ERGIC1: variants seen among roughly 807,000 people sequenced by gnomAD.
ERGIC1 encodes endoplasmic reticulum-golgi intermediate compartment 1.
Under a neutral mutation model 38.3 loss-of-function variants are expected in ERGIC1, and 19 were observed. The ratio of observed to expected loss-of-function variants is 0.50; its 90% CI spans 0.35 to 0.73. The LOEUF is 0.73. Among genes scored for constraint, ERGIC1 ranks in the 30% least tolerant of loss-of-function variants. The probability of loss-of-function intolerance (pLI) is 0.01; values close to 1 mark genes in which losing one functional copy is unlikely to be tolerated. For missense variants in ERGIC1, 294 were observed against 389.2 expected (o/e 0.76, Z 2.06); for synonymous variants, 124 against 157.6 (o/e 0.79, Z 1.60).
chr5:172,841,542 A>G (rs1001988962), intron 1 of ERGIC1, among the ~76,000 whole-genome samples: 4 of 152,174 alleles, frequency 2.6e-5, no homozygotes, highest in African/African-American at 9.7e-5. Context: ...AAAGGTGGAA[A>G]CCCTATTCGA....
At chr5:172,937,038 A>G (rs1336357296) in intron 9 of ERGIC1, 2 of 152,088 alleles carry the variant, frequency 1.3e-5, no homozygotes, top group Non-Finnish European at 2.9e-5. Flanking sequence ...AGAGAGATAC[A>G]AAGGGTGTCA....
chr5:172,904,061 T>G (rs1286128277), intron 3 of ERGIC1, among the ~76,000 whole-genome samples: 3 of 152,190 alleles, frequency 2.0e-5, no homozygotes, highest in Admixed American at 1.3e-4. Flanking sequence ...GACCTGGCAG[T>G]CATCCAGCAG....
At chr5:172,859,210 A>C (rs1257034791) in intron 1 of ERGIC1, among the ~76,000 whole-genome samples, 2 of 151,852 alleles carry the variant, frequency 1.3e-5, no homozygotes, top group African/African-American at 4.8e-5. Context: ...TCCTGTTTTG[A>C]TGAGACACTG....
At chr5:172,865,695 C>T (rs1761840169) in intron 1 of ERGIC1, among the ~76,000 whole-genome samples, 1 of 152,150 alleles carries the variant, frequency 6.6e-6, no homozygotes, top group African/African-American at 2.4e-5. Flanking sequence ...TTCTTCAGGT[C>T]ACACACGTGG....
At chr5:172,904,528 C>G (rs1001750028) in intron 3 of ERGIC1, among the ~76,000 whole-genome samples, 1 of 152,252 alleles carries the variant, frequency 6.6e-6, no homozygotes, top group South Asian at 2.1e-4. Flanking sequence ...TAGGCCTTCC[C>G]ACTGCCCACA....
At chr5:172,918,869 C>G (rs377458292) in intron 5 of ERGIC1, among the ~76,000 whole-genome samples, 1 of 152,206 alleles carries the variant, frequency 6.6e-6, no homozygotes, top group Admixed American at 6.5e-5. Context: ...ACCCACAGGC[C>G]TCAGCTGATG....
At chr5:172,914,928 C>T (rs376292408) in intron 5 of ERGIC1, 90 bp downstream of exon 5, 19 of 1,575,526 alleles carry the variant, frequency 1.2e-5, no homozygotes, top group Admixed American at 1.8e-5. Flanking sequence ...GGCACTCACT[C>T]GACCTGACCC....
At chr5:172,949,656 G>GC (rs139408001) in intron 9 of ERGIC1, among the ~76,000 whole-genome samples, 4 of 34,276 alleles carry the variant, frequency 1.2e-4, no homozygotes, top group African/African-American at 3.8e-4. Flanking sequence ...ACAGCGTGGC[G>GC]GGGGGGGGTA....
At chr5:172,916,299 G>A (rs1763363612) in intron 5 of ERGIC1, 1 of 152,340 alleles carries the variant, frequency 6.6e-6, no homozygotes, top group Non-Finnish European at 1.5e-5. Flanking sequence ...CTCAGGAGGA[G>A]GAGATACCAG....
intron 2 of ERGIC1, among the ~76,000 whole-genome samples, chr5:172,895,128 C>T (rs1403664465): frequency 6.6e-6 from 1 of 152,210 alleles, no homozygotes; most frequent in African/African-American, 2.4e-5. Context: ...TTGCAGGAAA[C>T]TAAGGGTCAA....
chr5:172,924,736 T>C (rs1406801716), intron 6 of ERGIC1, among the ~76,000 whole-genome samples: 1 of 152,114 alleles, frequency 6.6e-6, no homozygotes, highest in East Asian at 1.9e-4. Flanking sequence ...AGTTTAGTCA[T>C]TAGTGGGGTG....
At chr5:172,893,408 A>G (rs1056949318) in intron 2 of ERGIC1, among the ~76,000 whole-genome samples, 34 of 152,104 alleles carry the variant, frequency 2.2e-4, no homozygotes, top group African/African-American at 8.0e-4. Flanking sequence ...TCGGCCTCCC[A>G]AAGTGCTGGG....
rs140970987 is a variant in ERGIC1, at chr5:172,863,982, G to A, written c.21-24717G>A. Reference sequence around the variant, plus strand: ...AGGCAGAGGCGGGCGGATCACTTGCGGTCAGGAGGTTGAGACTAGCGTGAC... The same window carrying A: ...AGGCAGAGGCGGGCGGATCACTTGCAGTCAGGAGGTTGAGACTAGCGTGAC... On this transcript the variant is annotated intron_variant, in intron 1 of 9. Coordinates refer to ENST00000393784, the MANE Select transcript of ERGIC1 (RefSeq NM_001031711.3). 2.0e-3 allele frequency among the ~76,000 whole-genome samples: 303 copies of A among 152,244 alleles called. 2 individuals carry two copies. The highest frequency in any genetic ancestry group is 6.9e-3 in the African/African-American group (286 of 41,536).
chr5:172,864,749 C>A (rs540901028), intron 1 of ERGIC1, among the ~76,000 whole-genome samples: 10 of 152,172 alleles, frequency 6.6e-5, no homozygotes, highest in Admixed American at 2.6e-4. Flanking sequence ...ATGTCCCCCC[C>A]CCTTTTTTTT....
chr5:172,892,060 ATGT>A (rs1418268719), intron 2 of ERGIC1, among the ~76,000 whole-genome samples: 81 of 125,578 alleles, frequency 6.5e-4, no homozygotes, highest in Non-Finnish European at 1.1e-3. Flanking sequence ...GTTAAAGAGT[ATGT>A]TTTTTTTTTT....
At chr5:172,946,977 G>A (rs1446978223) in intron 9 of ERGIC1, among the ~76,000 whole-genome samples, 1 of 151,798 alleles carries the variant, frequency 6.6e-6, no homozygotes, top group Non-Finnish European at 1.5e-5. Context: ...TGAGGTCAGG[G>A]GTTCGAGACT....
At chr5:172,888,594 C>A (rs2113262393) in intron 1 of ERGIC1, 105 bp from the exon 2 acceptor site, 1 of 907,994 alleles carries the variant, frequency 1.1e-6, no homozygotes, top group Non-Finnish European at 1.8e-6. Context: ...GTGGGAAGAA[C>A]CATGGTTTGT....
intron 3 of ERGIC1, among the ~76,000 whole-genome samples, chr5:172,907,228 G>A (rs1365999290): frequency 6.6e-6 from 1 of 152,210 alleles, no homozygotes; most frequent in Admixed American, 6.5e-5. Flanking sequence ...GCCCGTGTGA[G>A]TGCGAGCCTG....
At chr5:172,879,795 G>T (rs1282852172) in intron 1 of ERGIC1, among the ~76,000 whole-genome samples, 2 of 152,176 alleles carry the variant, frequency 1.3e-5, no homozygotes, top group African/African-American at 4.8e-5. Context: ...GAGCTTCCCA[G>T]CCTCAACCCT....
Sources: gnomAD v4.1 joint callset for allele counts (sites outside exome capture counted in the v4.1 genomes callset) on GRCh38, gnomAD v4.1.1 for gene constraint, MANE v1.5 for transcripts, NCBI Gene and HGNC (gene_info 2026-07-23, HGNC 2026-07-21) for gene names.